Variants in MYRIP observed in about 807,000 individuals in gnomAD.
MYRIP encodes myosin VIIA and Rab interacting protein, also known as rab effector MyRIP.
MYRIP carries 49 observed loss-of-function variants against 98.0 expected under a neutral mutation model. The observed-to-expected ratio is 0.50, with a 90% CI of 0.40 to 0.63. The LOEUF (loss-of-function observed/expected upper bound fraction) is 0.63, where lower values mean the gene tolerates loss of function less well. Among genes scored for constraint, MYRIP ranks in the 30% least tolerant of loss-of-function variants. The probability of loss-of-function intolerance (pLI) is 0.00; values close to 1 mark genes in which losing one functional copy is unlikely to be tolerated. For missense variants in MYRIP, 1,004 were observed against 1,058.2 expected (o/e 0.95, Z 0.71); for synonymous variants, 404 against 409.5 (o/e 0.99, Z 0.16).
At chr3:40,034,734 G>A (rs1353966256) in intron 2 of MYRIP, among the ~76,000 whole-genome samples, 7 of 151,614 alleles carry the variant, frequency 4.6e-5, no homozygotes, top group African/African-American at 9.7e-5. Context: ...TATATACCCA[G>A]AGGATTATAA....
At chr3:39,810,986 T>C (rs1471288763) in intron 1 of MYRIP, among the ~76,000 whole-genome samples, 2 of 152,148 alleles carry the variant, frequency 1.3e-5, no homozygotes, top group Non-Finnish European at 2.9e-5. Flanking sequence ...TGACACTTAC[T>C]CAGGGGAGGA....
chr3:40,157,766 T>C (rs1452636686), intron 4 of MYRIP, among the ~76,000 whole-genome samples: 1 of 149,256 alleles, frequency 6.7e-6, no homozygotes, highest in Non-Finnish European at 1.5e-5. Context: ...CTTCTAGATT[T>C]TCTAGTTTAT....
chr3:39,896,995 G>A (rs1285597394), intron 1 of MYRIP, among the ~76,000 whole-genome samples: 2 of 152,010 alleles, frequency 1.3e-5, no homozygotes, highest in Non-Finnish European at 2.9e-5. Context: ...CTTTAAAGTT[G>A]CATCCATCAT....
intron 1 of MYRIP, among the ~76,000 whole-genome samples, chr3:39,811,043 C>A (rs1940669543): frequency 6.6e-6 from 1 of 152,090 alleles, no homozygotes; most frequent in African/African-American, 2.4e-5. Flanking sequence ...CAAATGATGT[C>A]GGGTGTGATT....
chr3:40,154,721 C>T (rs1331664685), intron 4 of MYRIP, among the ~76,000 whole-genome samples: 2 of 152,032 alleles, frequency 1.3e-5, no homozygotes, highest in Non-Finnish European at 2.9e-5. Flanking sequence ...CTTGACAAGC[C>T]CCAGGATGCA....
At chr3:39,877,840 G>A (rs973825419) in intron 1 of MYRIP, among the ~76,000 whole-genome samples, 1 of 152,204 alleles carries the variant, frequency 6.6e-6, no homozygotes, top group African/African-American at 2.4e-5. Flanking sequence ...CAGATCTCCA[G>A]CTGCGTGCTG....
At chr3:40,052,556 G>A (rs1947813379) in intron 3 of MYRIP, among the ~76,000 whole-genome samples, 1 of 152,074 alleles carries the variant, frequency 6.6e-6, no homozygotes, top group Admixed American at 6.6e-5. Flanking sequence ...TTAAATTAGT[G>A]GCACTCTTTT....
chr3:39,994,782 A>AC (rs1208595959), intron 2 of MYRIP, among the ~76,000 whole-genome samples: 2 of 152,074 alleles, frequency 1.3e-5, no homozygotes, highest in Non-Finnish European at 2.9e-5. Flanking sequence ...ACTGGGAGGC[A>AC]CCCCCCAGTA....
chr3:39,930,317 A>C (rs556306338), intron 2 of MYRIP, among the ~76,000 whole-genome samples: 146 of 152,090 alleles, frequency 9.6e-4, no homozygotes, highest in South Asian at 2.9e-3. Context: ...GTCTTCCCAC[A>C]GGCTTATTGG....
In MYRIP at chr3:40,136,584, G is replaced by T. The variant is rs1386931660; in HGVS notation, c.333-14464G>T. Among the ~76,000 whole-genome samples the T allele has an allele frequency of 1.0e-3, 151 of 146,060 alleles. 1 individual carries two copies. Among genetic ancestry groups the T allele is most frequent in the African/African-American group, 3.5e-3 (138 of 39,934 alleles). On this transcript the variant is annotated intron_variant, in intron 3 of 16. Transcript: ENST00000302541. ...ACCCCAAATCAACAGAATATACATT[G>T]TTTTCAGCACCACACCACACCTATT...
intron 11 of MYRIP, among the ~76,000 whole-genome samples, chr3:40,218,620 A>ATATATATATATTT (rs1163885795): frequency 1.3e-3 from 17 of 13,370 alleles, no homozygotes; most frequent in African/African-American, 2.2e-3. Flanking sequence ...TTTTATATAT[A>ATATATATATATTT]TATATATATA....
chr3:39,861,890 A>AGG (rs1320409438), intron 1 of MYRIP, among the ~76,000 whole-genome samples: 1 of 152,218 alleles, frequency 6.6e-6, no homozygotes, highest in Non-Finnish European at 1.5e-5. Context: ...AAAAAGAGAG[A>AGG]GAAAGCAAGC....
intron 1 of MYRIP, among the ~76,000 whole-genome samples, chr3:39,811,657 T>A (rs530960214): frequency 6.7e-6 from 1 of 149,190 alleles, no homozygotes; most frequent in Non-Finnish European, 1.5e-5. Flanking sequence ...TTCTGGAGAG[T>A]GGGGGGAGGC....
intron 1 of MYRIP, among the ~76,000 whole-genome samples, chr3:39,819,868 G>A (rs941684194): frequency 7.2e-5 from 11 of 152,148 alleles, no homozygotes; most frequent in Admixed American, 2.6e-4. Context: ...ACTGTTTTTG[G>A]TTTTTTATTC....
chr3:39,891,923 CTTTA>C (rs1463678887), intron 1 of MYRIP, among the ~76,000 whole-genome samples: 6 of 150,662 alleles, frequency 4.0e-5, no homozygotes, highest in Admixed American at 4.0e-4. Flanking sequence ...TTTCTTTTGA[CTTTA>C]TTTATAATGA....
At chr3:40,004,039 C>CCCCT (rs944155389) in intron 2 of MYRIP, among the ~76,000 whole-genome samples, 51 of 152,154 alleles carry the variant, frequency 3.4e-4, no homozygotes, top group African/African-American at 1.1e-3. Context: ...CTCTCCTGGG[C>CCCCT]CCCTGCCCCT....
chr3:40,254,195 T>C (rs1953493785), intron 16 of MYRIP, among the ~76,000 whole-genome samples: 1 of 152,188 alleles, frequency 6.6e-6, no homozygotes, highest in Non-Finnish European at 1.5e-5. Flanking sequence ...GTTAAGGATG[T>C]GCACACAGGA....
chr3:39,962,758 A>G (rs1490830445), intron 2 of MYRIP, among the ~76,000 whole-genome samples: 2 of 152,060 alleles, frequency 1.3e-5, no homozygotes, highest in African/African-American at 4.8e-5. Flanking sequence ...TTAGAGCCCT[A>G]AGTTACTGAG....
At chr3:40,193,791 T>C (rs1479441703) in intron 10 of MYRIP, among the ~76,000 whole-genome samples, 2 of 152,256 alleles carry the variant, frequency 1.3e-5, no homozygotes, top group African/African-American at 4.8e-5. Context: ...ACTTTCATAA[T>C]TACTACTGAA....
Sources: allele counts gnomAD v4.1 joint callset (sites outside exome capture counted in the v4.1 genomes callset), GRCh38; gene constraint gnomAD v4.1.1; transcripts MANE v1.5; gene names NCBI Gene and HGNC (gene_info 2026-07-23, HGNC 2026-07-21).